Variants in B3GAT2 observed in about 807,000 individuals in gnomAD.
The protein encoded by B3GAT2 is beta-1,3-glucuronyltransferase 2.
In B3GAT2, 26 loss-of-function variants were observed where a neutral mutation model predicts 27.8. The observed-to-expected ratio is 0.93, with a 90% CI of 0.68 to 1.30. The LOEUF is 1.30. Among genes scored for constraint, B3GAT2 ranks in the 50% most tolerant of loss-of-function variants. The pLI is 0.00. For synonymous variants in B3GAT2, 218 were observed against 195.1 expected, an observed-to-expected ratio of 1.12 and a Z score of -0.98; for missense variants, 458 against 459.0, an observed-to-expected ratio of 1.00 and a Z score of 0.02.
chr6:70,918,800 C>T (rs922685649), intron 1 of B3GAT2, among the ~76,000 whole-genome samples: 5 of 152,068 alleles, frequency 3.3e-5, no homozygotes, highest in African/African-American at 4.8e-5. Context: ...GTGGGTAACC[C>T]GACCTTTCTC....
At chr6:70,933,590 TA>T (rs1204963583) in intron 1 of B3GAT2, among the ~76,000 whole-genome samples, 3 of 152,194 alleles carry the variant, frequency 2.0e-5, no homozygotes, top group Non-Finnish European at 4.4e-5. Context: ...ATCAAAGTTA[TA>T]AAAATCTTCC....
chr6:70,911,109 C>G (rs1772682812), intron 1 of B3GAT2, among the ~76,000 whole-genome samples: 1 of 152,104 alleles, frequency 6.6e-6, no homozygotes, highest in South Asian at 2.1e-4. Context: ...TTCTCCCATT[C>G]TATAGGTTGT....
Position 70,861,966 on chromosome 6 carries a change from C to T in B3GAT2, c.749G>A (p.Ser250Asn), listed in dbSNP as rs1562211527. 6.2e-7 allele frequency: 1 copy of T among 1,608,534 alleles called. No individual in the cohort carries two copies. ...FAIDMAGFAV[S>N]LQVILSNPKA... ...TGGATTGGACAAAATGACTTGAAGACTTACAGCAAATCCTTTGTGAAAAAT... is the reference window on the plus strand; with the variant it reads ...TGGATTGGACAAAATGACTTGAAGATTTACAGCAAATCCTTTGTGAAAAAT... Residue 250 changes from serine to asparagine, a missense_variant, in exon 3 of 4, where the codon AGT (serine) becomes AAT (asparagine). Physicochemically the swap from Ser to Asn is conservative, Grantham distance 46. Transcript: ENST00000230053.
chr6:70,947,378 A>AC (rs1250351023), intron 1 of B3GAT2, among the ~76,000 whole-genome samples: 5 of 150,688 alleles, frequency 3.3e-5, no homozygotes, highest in African/African-American at 4.9e-5. Context: ...AAATAGACAC[A>AC]AAAAAAATGA....
intron 1 of B3GAT2, among the ~76,000 whole-genome samples, chr6:70,905,387 T>C (rs1361440978): frequency 2.6e-5 from 4 of 152,334 alleles, no homozygotes; most frequent in Admixed American, 1.3e-4. Flanking sequence ...GTGATGTTTA[T>C]TGAAAATACA....
rs1005636488 is a variant in B3GAT2 at position 70,860,471 on chromosome 6, G to C, written c.*1192C>G. On this transcript the variant is annotated 3_prime_UTR_variant, in exon 4 of 4. Coordinates refer to ENST00000230053, the MANE Select transcript of B3GAT2 (RefSeq NM_080742.3). ...CATATTAAGAATGATCTGATTGACC[G>C]TGTTGGTCTGTACTGATTCAATTTG... is the stretch of plus-strand genomic sequence containing the variant. 3 of 1,045,792 alleles carry C rather than the reference G, an allele frequency of 2.9e-6. No homozygotes were observed. The highest frequency in any genetic ancestry group is 4.0e-6 in the Non-Finnish European group (3 of 742,620). 64.8% of individuals were successfully genotyped at this position (1,045,792 alleles called of 1,614,324 possible).
At chr6:70,930,396 T>A (rs1193354313) in intron 1 of B3GAT2, among the ~76,000 whole-genome samples, 3 of 151,984 alleles carry the variant, frequency 2.0e-5, no homozygotes, top group Non-Finnish European at 4.4e-5. Flanking sequence ...ACCATCAGAG[T>A]GAATAGGCAA....
chr6:70,864,464 G>A (rs1771817314), intron 2 of B3GAT2, among the ~76,000 whole-genome samples: 1 of 152,164 alleles, frequency 6.6e-6, no homozygotes, highest in South Asian at 2.1e-4. Context: ...CTAGAGAATG[G>A]TGCGCACCTG....
chr6:70,917,468 T>C (rs1772793028), intron 1 of B3GAT2, among the ~76,000 whole-genome samples: 1 of 152,204 alleles, frequency 6.6e-6, no homozygotes, highest in Admixed American at 6.5e-5. Context: ...GCTTCTGTAG[T>C]TCTTTTATAA....
chr6:70,937,872 T>C (rs1321967075), intron 1 of B3GAT2, among the ~76,000 whole-genome samples: 10 of 152,246 alleles, frequency 6.6e-5, no homozygotes, highest in Middle Eastern at 3.4e-3. Flanking sequence ...TCACCACTCC[T>C]ATTCAACATA....
intron 2 of B3GAT2, among the ~76,000 whole-genome samples, chr6:70,882,276 C>G (rs570299436): frequency 6.6e-6 from 1 of 152,202 alleles, no homozygotes; most frequent in South Asian, 2.1e-4. Flanking sequence ...TTAAGGCGGG[C>G]AGATCACGAG....
chr6:70,860,188 T>C lies in B3GAT2; in HGVS notation c.*1475A>G, dbSNP rs1242479708. On this transcript the variant is annotated 3_prime_UTR_variant, in exon 4 of 4. Transcript: ENST00000230053. ...TAAGCCTCTTGAACTAAGCCTTTTA[T>C]ATGTTTCACAGATGAATCAGCAGAT... 2 of 1,599,120 alleles carry C rather than the reference T, an allele frequency of 1.3e-6. No individual in the cohort carries two copies. Among genetic ancestry groups the C allele is most frequent in the Non-Finnish European group, 8.5e-7 (1 of 1,174,140 alleles).
rs113787762 is a variant in B3GAT2, at chr6:70,893,288, A to G, written c.736+840T>C. Among the ~76,000 whole-genome samples, 984 of 152,314 alleles carry G rather than the reference A, an allele frequency of 6.5e-3. 9 individuals carry two copies. Among genetic ancestry groups the G allele is most frequent in the African/African-American group, 0.023 (950 of 41,562 alleles). ...GACTACGGCTGGGAAATATGCACAG[A>G]AGATGGGGCAAGCACAGGCTGGCAG... is the stretch of plus-strand genomic sequence containing the variant. On this transcript the variant is annotated intron_variant, in intron 2 of 3. Coordinates refer to ENST00000230053, the MANE Select transcript of B3GAT2 (RefSeq NM_080742.3).
chr6:70,933,782 A>G (rs1431641960), intron 1 of B3GAT2, among the ~76,000 whole-genome samples: 3 of 152,204 alleles, frequency 2.0e-5, no homozygotes, highest in Admixed American at 6.5e-5. Context: ...CACAGTAGCT[A>G]GGTGGCTTTG....
chr6:70,877,551 G>T (rs1228078724), intron 2 of B3GAT2, among the ~76,000 whole-genome samples: 1 of 152,002 alleles, frequency 6.6e-6, no homozygotes, highest in Non-Finnish European at 1.5e-5. Flanking sequence ...CCTTCAAAGG[G>T]GCTTCTAACA....
chr6:70,910,622 G>A (rs555524259), intron 1 of B3GAT2, among the ~76,000 whole-genome samples: 1 of 152,182 alleles, frequency 6.6e-6, no homozygotes, highest in Non-Finnish European at 1.5e-5. Context: ...TGTGAATAGT[G>A]CTGCGATGAA....
At position 70,860,880 on chromosome 6, in the gene B3GAT2, G is replaced by A. The variant is rs1771691671; in HGVS notation, c.*783C>T. 2.5e-6 allele frequency: 1 copy of A among 392,618 alleles called. No individual in the cohort carries two copies. Among genetic ancestry groups the A allele is most frequent in the Non-Finnish European group, 4.5e-6 (1 of 222,410 alleles). The allele number at this position is 392,618 out of a possible 1,614,324, so 24.3% of individuals were successfully genotyped here. A position where few individuals can be genotyped will look rare whatever the true frequency, so the allele number is the denominator to read the frequency against. Reference sequence around the variant, plus strand: ...TTAACAGGGAACGTGATTAGTGAAAGGAAGATAAACGTGGATGTTACTCCA... The same window carrying A: ...TTAACAGGGAACGTGATTAGTGAAAAGAAGATAAACGTGGATGTTACTCCA... On this transcript the variant is annotated 3_prime_UTR_variant, in exon 4 of 4. Coordinates refer to ENST00000230053, the MANE Select transcript of B3GAT2 (RefSeq NM_080742.3).
chr6:70,926,939 A>G (rs1196014828), intron 1 of B3GAT2, among the ~76,000 whole-genome samples: 1 of 152,206 alleles, frequency 6.6e-6, no homozygotes, highest in Non-Finnish European at 1.5e-5. Flanking sequence ...AGGTCGGGTT[A>G]CCCACAAAGG....
At chr6:70,949,429 T>C (rs554213799) in intron 1 of B3GAT2, among the ~76,000 whole-genome samples, 3 of 152,112 alleles carry the variant, frequency 2.0e-5, no homozygotes, top group Non-Finnish European at 2.9e-5. Context: ...GAAACATTTA[T>C]GCAGCCAAAA....
Sources: allele counts gnomAD v4.1 joint callset (sites outside exome capture counted in the v4.1 genomes callset), GRCh38; gene constraint gnomAD v4.1.1; transcripts MANE v1.5; gene names NCBI Gene and HGNC (gene_info 2026-07-23, HGNC 2026-07-21).